The following STK33 variants were observed in gnomAD, a reference collection of about 807,000 sequenced individuals.
STK33 encodes the protein serine/threonine kinase 33.
A neutral mutation model predicts 58.0 loss-of-function variants in STK33; 52 were observed. The ratio of observed to expected loss-of-function variants is 0.90; its 90% CI spans 0.72 to 1.13. The LOEUF is 1.13. Among genes scored for constraint, STK33 ranks in the 50% most tolerant of loss-of-function variants. The probability of loss-of-function intolerance (pLI) is 0.00; values close to 1 mark genes in which losing one functional copy is unlikely to be tolerated. For synonymous variants in STK33, 215 were observed against 200.1 expected (o/e 1.07, Z -0.63); for missense variants, 630 against 604.2 (o/e 1.04, Z -0.45).
At chr11:8,410,488 T>TTTC (rs1354946500) in intron 15 of STK33, among the ~76,000 whole-genome samples, 3 of 150,258 alleles carry the variant, frequency 2.0e-5, no homozygotes, top group East Asian at 3.9e-4. Context: ...TTTTTTTTTT[T>TTTC]CTGAGACAAA....
intron 1 of STK33, among the ~76,000 whole-genome samples, chr11:8,565,285 CA>C: frequency 6.6e-6 from 1 of 152,260 alleles, no homozygotes; most frequent in East Asian, 1.9e-4. Flanking sequence ...ACATTTTTAA[CA>C]AAAATACCAA....
chr11:8,428,999 T>C (rs1943102029), intron 14 of STK33, among the ~76,000 whole-genome samples: 1 of 152,066 alleles, frequency 6.6e-6, no homozygotes, highest in Admixed American at 6.5e-5. Context: ...TGAGACAAAT[T>C]ATAGGTGATT....
chr11:8,350,090 CAT>C, the STK33 span, among the ~76,000 whole-genome samples: 1 of 152,240 alleles, frequency 6.6e-6, no homozygotes, highest in African/African-American at 2.4e-5. Flanking sequence ...CGATGGAACA[CAT>C]GAGTATCTCC....
intron 6 of STK33, among the ~76,000 whole-genome samples, 161 bp downstream of exon 6, chr11:8,473,002 T>A (rs1386186883): frequency 6.6e-6 from 1 of 152,254 alleles, no homozygotes; most frequent in Non-Finnish European, 1.5e-5. Context: ...AATTAATCTG[T>A]ATTTTCTTTA....
At chr11:8,545,280 T>C (rs1043733263) in intron 1 of STK33, among the ~76,000 whole-genome samples, 2 of 152,176 alleles carry the variant, frequency 1.3e-5, no homozygotes, top group Admixed American at 6.5e-5. Context: ...AGTGAGGGTG[T>C]TGATTTGTTC....
At chr11:8,585,184 A>G (rs1441969179) in intron 1 of STK33, among the ~76,000 whole-genome samples, 1 of 149,968 alleles carries the variant, frequency 6.7e-6, no homozygotes, top group African/African-American at 2.5e-5. Context: ...TGGCCTTCCA[A>G]AATGCTGGGA....
chr11:8,540,391 G>A (rs1955412891), intron 1 of STK33, among the ~76,000 whole-genome samples: 1 of 151,914 alleles, frequency 6.6e-6, no homozygotes, highest in Non-Finnish European at 1.5e-5. Flanking sequence ...AGGCTGAGGT[G>A]GGAGGATCCC....
intron 1 of STK33, among the ~76,000 whole-genome samples, chr11:8,523,022 G>A (rs1488678822): frequency 3.3e-5 from 5 of 152,228 alleles, no homozygotes; most frequent in Admixed American, 1.3e-4. Flanking sequence ...TCCAGCTCCT[G>A]ACCGCGAGTG....
chr11:8,342,084 C>T, the STK33 span, among the ~76,000 whole-genome samples: 62 of 152,296 alleles, frequency 4.1e-4, no homozygotes, highest in Non-Finnish European at 7.6e-4. Context: ...GCAAAGTCAT[C>T]AGTCAGTCCA....
Position 8,474,564 on chromosome 11 carries a change from T to C in STK33, c.225+117A>G, listed in dbSNP as rs183599203. 9.9e-6 allele frequency: 7 copies of C among 703,600 alleles called. No homozygotes were observed. The Admixed American group carries it at 1.8e-4, about 18-fold the overall frequency. The allele number at this position is 703,600 out of a possible 1,614,324, so 43.6% of individuals were successfully genotyped here. A position where few individuals can be genotyped will look rare whatever the true frequency, so the allele number is the denominator to read the frequency against. Reference sequence around the variant, plus strand: ...TCTTCTGTGAGAAAGAAATGTTTAATAGTTATGAAGGCAATGAATTAGCTA... The same window carrying C: ...TCTTCTGTGAGAAAGAAATGTTTAACAGTTATGAAGGCAATGAATTAGCTA... On this transcript the variant is annotated intron_variant, in intron 5 of 15. Transcript: ENST00000687296.
intron 1 of STK33, among the ~76,000 whole-genome samples, chr11:8,484,728 T>C (rs952905825): frequency 1.3e-5 from 2 of 152,220 alleles, no homozygotes; most frequent in African/African-American, 4.8e-5. Flanking sequence ...AGTATATATA[T>C]GATTAGGTTT....
chr11:8,341,688 C>T, the STK33 span, among the ~76,000 whole-genome samples: 1 of 152,216 alleles, frequency 6.6e-6, no homozygotes, highest in African/African-American at 2.4e-5. Context: ...AGTTTAGAAG[C>T]TGGAGGTTAG....
intron 8 of STK33, among the ~76,000 whole-genome samples, chr11:8,460,268 C>G (rs1433772208): frequency 6.6e-6 from 1 of 151,988 alleles, no homozygotes; most frequent in Non-Finnish European, 1.5e-5. Flanking sequence ...TAAATTGAAA[C>G]TGATCTAGAA....
At chr11:8,516,431 C>T (rs144332434) in intron 1 of STK33, among the ~76,000 whole-genome samples, 72 of 152,294 alleles carry the variant, frequency 4.7e-4, no homozygotes, top group African/African-American at 7.0e-4. Flanking sequence ...CCAGCGTGAG[C>T]GACAAAGAAG....
the STK33 span, among the ~76,000 whole-genome samples, chr11:8,374,061 C>T: frequency 4.6e-5 from 7 of 152,364 alleles, no homozygotes; most frequent in Admixed American, 3.3e-4. Context: ...TGTGTCTTCC[C>T]AGCTCTCAGC....
intron 14 of STK33, among the ~76,000 whole-genome samples, chr11:8,421,809 T>C (rs1941965077): frequency 6.6e-6 from 1 of 152,176 alleles, no homozygotes; most frequent in South Asian, 2.1e-4. Flanking sequence ...TATTACTAGA[T>C]GTTTTATATT....
chr11:8,411,192 T>C (rs1312919413), intron 15 of STK33, among the ~76,000 whole-genome samples: 1 of 152,212 alleles, frequency 6.6e-6, no homozygotes, highest in Admixed American at 6.5e-5. Flanking sequence ...CACAAAACAT[T>C]ATCTAGATGT....
the STK33 span, among the ~76,000 whole-genome samples, chr11:8,385,638 T>C: frequency 6.6e-6 from 1 of 152,244 alleles, no homozygotes; most frequent in African/African-American, 2.4e-5. Context: ...TGTGCCCCCA[T>C]GGCTACAAGC....
intron 1 of STK33, among the ~76,000 whole-genome samples, chr11:8,508,710 C>T (rs1320362846): frequency 2.0e-5 from 3 of 152,132 alleles, no homozygotes; most frequent in Non-Finnish European, 2.9e-5. Context: ...AAACCTCAAT[C>T]GGGACATGTG....
Sources: allele counts gnomAD v4.1 joint callset (sites outside exome capture counted in the v4.1 genomes callset), GRCh38; gene constraint gnomAD v4.1.1; transcripts MANE v1.5; gene names NCBI Gene and HGNC (gene_info 2026-07-23, HGNC 2026-07-21).